Variants in CACNA1E observed in about 807,000 individuals in gnomAD.
The protein encoded by CACNA1E is calcium voltage-gated channel subunit alpha1 E.
Under a neutral mutation model 259.2 loss-of-function variants are expected in CACNA1E, and 40 were observed. The ratio of observed to expected loss-of-function variants is 0.15; its 90% CI spans 0.12 to 0.20. The LOEUF (loss-of-function observed/expected upper bound fraction) is 0.20, where lower values mean the gene tolerates loss of function less well. Among genes scored for constraint, CACNA1E ranks in the 10% least tolerant of loss-of-function variants. The probability of loss-of-function intolerance (pLI) is 1.00; values close to 1 mark genes in which losing one functional copy is unlikely to be tolerated. For missense variants in CACNA1E, 1,874 were observed against 3,040.1 expected, an observed-to-expected ratio of 0.62 and a Z score of 9.02; for synonymous variants, 1,104 against 1,138.5, an observed-to-expected ratio of 0.97 and a Z score of 0.61.
At chr1:181,754,323 T>C (rs1407714292) in intron 27 of CACNA1E, among the ~76,000 whole-genome samples, 1 of 115,396 alleles carries the variant, frequency 8.7e-6, no homozygotes, top group Non-Finnish European at 2.1e-5. Context: ...GCCTGTCACT[T>C]ACATTCCCTG....
chr1:181,370,728 C>T (rs1426795941), intron 1 of CACNA1E, among the ~76,000 whole-genome samples: 1 of 152,102 alleles, frequency 6.6e-6, no homozygotes, highest in Non-Finnish European at 1.5e-5. Flanking sequence ...GTGACTAACA[C>T]TGTGATAAAC....
chr1:181,478,988 G>T (rs1285675835), upstream of CACNA1E, among the ~76,000 whole-genome samples: 2 of 152,206 alleles, frequency 1.3e-5, no homozygotes, highest in African/African-American at 2.4e-5. Context: ...GGGGCTGCAG[G>T]ATAAATGCTT....
intron 6 of CACNA1E, among the ~76,000 whole-genome samples, chr1:181,592,139 A>G (rs1652710297): frequency 6.6e-6 from 1 of 152,150 alleles, no homozygotes; most frequent in Admixed American, 6.5e-5. Flanking sequence ...TGCTTCCCTG[A>G]GCCTTCTCCC....
chr1:181,770,255 T>C (rs2102759965), intron 35 of CACNA1E, among the ~76,000 whole-genome samples: 1 of 152,288 alleles, frequency 6.6e-6, no homozygotes, highest in East Asian at 1.9e-4. Flanking sequence ...AAGTCCGCGA[T>C]TGTCTCAACA....
At chr1:181,346,114 G>A (rs1652574704) in intron 1 of CACNA1E, among the ~76,000 whole-genome samples, 1 of 152,210 alleles carries the variant, frequency 6.6e-6, no homozygotes. Context: ...AGTGCTGGGG[G>A]GCACTGAAGG....
intron 32 of CACNA1E, among the ~76,000 whole-genome samples, chr1:181,762,139 G>T (rs1381253990): frequency 6.6e-6 from 1 of 152,168 alleles, no homozygotes; most frequent in Non-Finnish European, 1.5e-5. Context: ...AAAAGTTATA[G>T]CTGTATGACC....
At chr1:181,692,550 G>A (rs1651273589) in intron 7 of CACNA1E, among the ~76,000 whole-genome samples, 1 of 152,088 alleles carries the variant, frequency 6.6e-6, no homozygotes, top group African/African-American at 2.4e-5. Flanking sequence ...TAAGCAATGG[G>A]GAAAGGAATC....
At chr1:181,409,052 C>T (rs187910241) in intron 1 of CACNA1E, among the ~76,000 whole-genome samples, 18 of 152,246 alleles carry the variant, frequency 1.2e-4, no homozygotes, top group Middle Eastern at 3.4e-3. Flanking sequence ...GTCCAAGAGA[C>T]GCAGATGAAA....
chr1:181,511,336 C>A, intron 2 of CACNA1E, 35 bp from the exon 3 acceptor site: 1 of 1,612,722 alleles, frequency 6.2e-7, no homozygotes, highest in Non-Finnish European at 8.5e-7. Flanking sequence ...GCACAGTCCT[C>A]TTCTCACTGG....
intron 2 of CACNA1E, among the ~76,000 whole-genome samples, chr1:181,471,997 A>T (rs1049813820): frequency 1.3e-5 from 2 of 152,162 alleles, no homozygotes; most frequent in African/African-American, 4.8e-5. Flanking sequence ...ATATGGAAAA[A>T]ACAAAATGTT....
intron 1 of CACNA1E, among the ~76,000 whole-genome samples, chr1:181,350,035 C>T (rs1436843520): frequency 6.6e-6 from 1 of 152,058 alleles, no homozygotes; most frequent in Non-Finnish European, 1.5e-5. Context: ...AAGGGTGTTG[C>T]ACCCTGTGAC....
Position 181,726,161 on chromosome 1 carries a change from G to T in CACNA1E, c.2239G>T (p.Glu747Ter). The T allele has an allele frequency of 6.2e-7, 1 of 1,607,896 alleles. No homozygotes were observed. The highest frequency in any genetic ancestry group is 1.1e-5 in the South Asian group (1 of 89,924). Residue 747 changes from glutamate to a stop codon, truncating the protein, a stop_gained and splice_region_variant, in exon 18 of 48, where the codon GAA becomes TAA. Coordinates refer to ENST00000367573, the MANE Select transcript of CACNA1E (RefSeq NM_001205293.3). LOFTEE classifies it high-confidence loss of function. Reference sequence around the variant, plus strand: ...GTCTGCACCCAACATGCCTTCGATCGAGTGAGTCAGCTGCCCCCTTCACTG... The same window carrying T: ...GTCTGCACCCAACATGCCTTCGATCTAGTGAGTCAGCTGCCCCCTTCACTG... ...PMSAPNMPSI[E>*]RDRRRRHHMS...
chr1:181,432,644 G>A (rs1333668511), intron 2 of CACNA1E, among the ~76,000 whole-genome samples: 3 of 152,054 alleles, frequency 2.0e-5, no homozygotes, highest in Non-Finnish European at 4.4e-5. Flanking sequence ...TGTATGTTGG[G>A]TGAGGAGGCA....
chr1:181,651,042 T>C (rs1658710416), intron 6 of CACNA1E, among the ~76,000 whole-genome samples: 1 of 152,240 alleles, frequency 6.6e-6, no homozygotes, highest in Non-Finnish European at 1.5e-5. Flanking sequence ...CAGTGGTTGT[T>C]TGCGTGACCT....
intron 23 of CACNA1E, among the ~76,000 whole-genome samples, chr1:181,737,990 G>T (rs1482114837): frequency 6.6e-6 from 1 of 152,234 alleles, no homozygotes; most frequent in Admixed American, 6.5e-5. Context: ...CCTCTCCTGG[G>T]GTCCCACGGG....
At chr1:181,688,183 C>T (rs1441740025) in intron 7 of CACNA1E, among the ~76,000 whole-genome samples, 1 of 152,136 alleles carries the variant, frequency 6.6e-6, no homozygotes, top group Non-Finnish European at 1.5e-5. Flanking sequence ...GCAACTCTCG[C>T]CCTCCCACTC....
Position 181,342,238 on chromosome 1 carries a change from A to C in CACNA1E, c.-15+24115A>C, listed in dbSNP as rs115057854. Among the ~76,000 whole-genome samples the C allele has an allele frequency of 9.9e-3, 1,502 of 152,286 alleles. 25 individuals carry two copies. Among genetic ancestry groups the C allele is most frequent in the African/African-American group, 0.034 (1,409 of 41,546 alleles). ...AGGCATTAGTGCTCTGGGCAAGGGG[A>C]CAAGGGGAAGAAGAGGAGGTCAGAG... On this transcript the variant is annotated intron_variant, in intron 1 of 11. Coordinates refer to the CACNA1E transcript ENST00000524607.
intron 2 of CACNA1E, among the ~76,000 whole-genome samples, chr1:181,418,784 C>A (rs1490953677): frequency 1.3e-5 from 2 of 152,000 alleles, no homozygotes; most frequent in Non-Finnish European, 2.9e-5. Flanking sequence ...ATCAGATCAC[C>A]ATTCACCACC....
chr1:181,624,860 A>G (rs576117147), intron 6 of CACNA1E, among the ~76,000 whole-genome samples: 1 of 152,330 alleles, frequency 6.6e-6, no homozygotes, highest in Non-Finnish European at 1.5e-5. Context: ...AGGAATCACT[A>G]TGGCAGCTAT....
Sources: gnomAD v4.1 joint callset for allele counts (sites outside exome capture counted in the v4.1 genomes callset) on GRCh38, gnomAD v4.1.1 for gene constraint, MANE v1.5 for transcripts, NCBI Gene and HGNC (gene_info 2026-07-23, HGNC 2026-07-21) for gene names.